Variants in PKP4 observed in about 807,000 individuals in gnomAD.
The protein encoded by PKP4 is plakophilin-4.
A neutral mutation model predicts 145.1 loss-of-function variants in PKP4; 90 were observed. That is an observed-to-expected ratio of 0.62 (90% CI 0.52 to 0.74). PKP4 has a LOEUF of 0.74. PKP4 is among the 30% of genes least tolerant of loss of function. The probability of loss-of-function intolerance (pLI) is 0.00; values close to 1 mark genes in which losing one functional copy is unlikely to be tolerated. For synonymous variants in PKP4, 563 were observed against 577.2 expected, an observed-to-expected ratio of 0.98 and a Z score of 0.35; for missense variants, 1,340 against 1,482.7, an observed-to-expected ratio of 0.90 and a Z score of 1.58.
chr2:158,680,897 T>C lies in PKP4; in HGVS notation c.*220T>C, dbSNP rs902023700. ...TTTAGGTGTTAGATCTAATTACTTATAGATTCTGTAGTCTGGTGAAGGTGT... is the reference window on the plus strand; with the variant it reads ...TTTAGGTGTTAGATCTAATTACTTACAGATTCTGTAGTCTGGTGAAGGTGT... On this transcript the variant is annotated 3_prime_UTR_variant, in exon 22 of 22. Coordinates refer to ENST00000389759, the MANE Select transcript of PKP4 (RefSeq NM_003628.6). 1.7e-5 allele frequency: 8 copies of C among 473,124 alleles called. No homozygotes were observed. Among genetic ancestry groups the C allele is most frequent in the Admixed American group, 7.8e-5 (2 of 25,604 alleles). The allele number at this position is 473,124 out of a possible 1,614,324, so 29.3% of individuals were successfully genotyped here.
intron 2 of PKP4, among the ~76,000 whole-genome samples, chr2:158,574,081 C>G (rs2047641285): frequency 6.6e-6 from 1 of 152,176 alleles, no homozygotes; most frequent in African/African-American, 2.4e-5. Flanking sequence ...AATTCTCTCT[C>G]AAAGAATATT....
At chr2:158,503,526 G>A (rs1297448286) in intron 1 of PKP4, among the ~76,000 whole-genome samples, 1 of 152,114 alleles carries the variant, frequency 6.6e-6, no homozygotes, top group African/African-American at 2.4e-5. Flanking sequence ...GTTTTAAAGT[G>A]GAGATACACT....
chr2:158,618,652 C>A (rs1207956193), intron 4 of PKP4, among the ~76,000 whole-genome samples: 18 of 151,988 alleles, frequency 1.2e-4, no homozygotes, highest in Admixed American at 9.2e-4. Flanking sequence ...AAGATTGTTA[C>A]ATGGTTTCTG....
At chr2:158,463,649 G>A (rs1690138167) in intron 1 of PKP4, among the ~76,000 whole-genome samples, 1 of 152,042 alleles carries the variant, frequency 6.6e-6, no homozygotes, top group African/African-American at 2.4e-5. Context: ...TGAGGGAGTT[G>A]GTCTAGATGC....
chr2:158,662,860 C>T (rs774663464), intron 13 of PKP4, 37 bp from the exon 14 acceptor site: 13 of 1,548,354 alleles, frequency 8.4e-6, no homozygotes, highest in Admixed American at 2.0e-5. Flanking sequence ...TCTAATGTGC[C>T]GAGTTGTTTT....
intron 2 of PKP4, among the ~76,000 whole-genome samples, chr2:158,576,711 C>T (rs1219587274): frequency 6.6e-6 from 1 of 152,158 alleles, no homozygotes; most frequent in African/African-American, 2.4e-5. Flanking sequence ...TGCACAGTGG[C>T]ACATGATTGC....
chr2:158,606,222 CT>C, intron 4 of PKP4, among the ~76,000 whole-genome samples: 1 of 152,158 alleles, frequency 6.6e-6, no homozygotes, highest in African/African-American at 2.4e-5. Context: ...AACATTTCCA[CT>C]AGTTAAAAAT....
chr2:158,459,726 A>G (rs1689464514), intron 1 of PKP4, among the ~76,000 whole-genome samples: 1 of 152,106 alleles, frequency 6.6e-6, no homozygotes, highest in Admixed American at 6.5e-5. Context: ...AAGATTGGGA[A>G]GTAAAAGCAA....
At chr2:158,569,613 AG>A (rs2047262082) in intron 2 of PKP4, among the ~76,000 whole-genome samples, 1 of 152,372 alleles carries the variant, frequency 6.6e-6, no homozygotes, top group East Asian at 1.9e-4. Context: ...ACTATAGTAT[AG>A]TACCTCTTAA....
chr2:158,537,860 C>G (rs1340136833), intron 2 of PKP4, among the ~76,000 whole-genome samples: 1 of 151,986 alleles, frequency 6.6e-6, no homozygotes, highest in Non-Finnish European at 1.5e-5. Context: ...AAAACCCTGT[C>G]TCTACAAAAA....
At chr2:158,500,783 T>A (rs1231889132) in intron 1 of PKP4, among the ~76,000 whole-genome samples, 2 of 152,196 alleles carry the variant, frequency 1.3e-5, no homozygotes, top group Non-Finnish European at 2.9e-5. Context: ...GGGCATGAAC[T>A]CGTGAGAAAG....
chr2:158,469,165 C>T (rs1691163211), intron 1 of PKP4, among the ~76,000 whole-genome samples: 2 of 151,990 alleles, frequency 1.3e-5, no homozygotes, highest in African/African-American at 4.8e-5. Flanking sequence ...TCTCAGCTCA[C>T]TGCAACCTCT....
At chr2:158,654,666 A>G (rs2055738627) in intron 11 of PKP4, among the ~76,000 whole-genome samples, 1 of 152,138 alleles carries the variant, frequency 6.6e-6, no homozygotes, top group Non-Finnish European at 1.5e-5. Flanking sequence ...AAAGGCAGGC[A>G]AAACTATGCT....
rs947742466 is a variant in PKP4, at chr2:158,598,505, C to T, written c.246-4565C>T. On this transcript the variant is annotated intron_variant, in intron 3 of 21. Coordinates refer to ENST00000389759, the MANE Select transcript of PKP4 (RefSeq NM_003628.6). Reference sequence around the variant, plus strand: ...TGTTATTGCCGGGCGTGGTGGCTCACGCCTGTAATCCTAGCACTTTGGGAG... The same window carrying T: ...TGTTATTGCCGGGCGTGGTGGCTCATGCCTGTAATCCTAGCACTTTGGGAG... Among the ~76,000 whole-genome samples, 7 of 152,152 alleles carry T rather than the reference C, an allele frequency of 4.6e-5. No individual in the cohort carries two copies. In the South Asian group the frequency reaches 6.2e-4, roughly 14 times the overall value.
At chr2:158,673,623 G>A in intron 17 of PKP4, 54 bp from the exon 18 acceptor site, 1 of 1,312,772 alleles carries the variant, frequency 7.6e-7, no homozygotes, top group Non-Finnish European at 1.1e-6. Context: ...ACCCCTCTGA[G>A]TGGGGCTGAG....
intron 11 of PKP4, 121 bp downstream of exon 11, chr2:158,642,820 A>C (rs748145484): frequency 3.3e-6 from 2 of 613,978 alleles, no homozygotes; most frequent in African/African-American, 3.7e-5. Flanking sequence ...AGATATATAT[A>C]GTGCTCACAA....
intron 2 of PKP4, among the ~76,000 whole-genome samples, chr2:158,574,227 A>G (rs2047652334): frequency 1.3e-5 from 2 of 152,174 alleles, no homozygotes; most frequent in Admixed American, 1.3e-4. Context: ...GCTAGGCTCT[A>G]CGAGGAAATT....
intron 16 of PKP4, chr2:158,669,110 A>C (rs1227306508): frequency 4.6e-5 from 7 of 152,198 alleles, no homozygotes; most frequent in Non-Finnish European, 8.8e-5. Flanking sequence ...ACATACCTAT[A>C]ATTTTAATAC....
chr2:158,564,273 G>GT (rs1296107138), intron 2 of PKP4, among the ~76,000 whole-genome samples: 1 of 151,942 alleles, frequency 6.6e-6, no homozygotes. Context: ...ATTTTGTTGT[G>GT]TTTTACTCAG....
Sources: gnomAD v4.1 joint callset for allele counts (sites outside exome capture counted in the v4.1 genomes callset) on GRCh38, gnomAD v4.1.1 for gene constraint, MANE v1.5 for transcripts, NCBI Gene and HGNC (gene_info 2026-07-23, HGNC 2026-07-21) for gene names.